Variants in DCC observed in about 807,000 individuals in gnomAD.
DCC encodes the protein netrin receptor DCC.
DCC carries 58 observed loss-of-function variants against 172.5 expected under a neutral mutation model. The ratio of observed to expected loss-of-function variants is 0.34; its 90% confidence interval spans 0.27 to 0.42. The LOEUF (loss-of-function observed/expected upper bound fraction) is 0.42. DCC is among the 10% of genes least tolerant of loss of function. The pLI is 1.00. For synonymous variants in DCC, 709 were observed against 644.5 expected (o/e 1.10, Z -1.52); for missense variants, 1,740 against 1,791.0 (o/e 0.97, Z 0.51).
intron 1 of DCC, among the ~76,000 whole-genome samples, chr18:52,423,940 C>T (rs184277570): frequency 1.1e-4 from 17 of 152,194 alleles, no homozygotes; most frequent in Admixed American, 5.9e-4. Context: ...AAGACCCTTT[C>T]GCTTCCGTTC....
At chr18:52,532,215 T>C (rs559688472) in intron 1 of DCC, among the ~76,000 whole-genome samples, 1 of 152,298 alleles carries the variant, frequency 6.6e-6, no homozygotes, top group African/African-American at 2.4e-5. Flanking sequence ...ATAGTTATGT[T>C]GGCACTTAGA....
chr18:53,523,715 A>T (rs191613280), intron 27 of DCC, among the ~76,000 whole-genome samples: 1 of 152,196 alleles, frequency 6.6e-6, no homozygotes, highest in East Asian at 1.9e-4. Flanking sequence ...CAATGAGAAC[A>T]CATGGACACA....
intron 26 of DCC, among the ~76,000 whole-genome samples, chr18:53,497,880 C>A: frequency 6.6e-6 from 1 of 152,190 alleles, no homozygotes; most frequent in East Asian, 1.9e-4. Context: ...TCTCTTCAAA[C>A]TCCTTGGGAT....
chr18:52,953,294 A>G (rs1406201338), intron 5 of DCC, among the ~76,000 whole-genome samples: 9 of 152,184 alleles, frequency 5.9e-5, no homozygotes, highest in Admixed American at 5.9e-4. Flanking sequence ...GTGTCCATAC[A>G]TCCTCACCCC....
intron 7 of DCC, among the ~76,000 whole-genome samples, chr18:53,099,935 C>CTTTTTTTTTT: frequency 8.5e-6 from 1 of 117,110 alleles, no homozygotes; most frequent in African/African-American, 3.8e-5. Flanking sequence ...CTTTTCTTTT[C>CTTTTTTTTTT]TTTCTTTCTT....
intron 1 of DCC, among the ~76,000 whole-genome samples, chr18:52,489,867 C>T (rs957199938): frequency 1.3e-5 from 2 of 152,086 alleles, no homozygotes; most frequent in Non-Finnish European, 2.9e-5. Context: ...CTCATCTGAG[C>T]CCATTATCTT....
intron 2 of DCC, among the ~76,000 whole-genome samples, chr18:52,853,207 C>T (rs770460483): frequency 6.6e-6 from 1 of 152,052 alleles, no homozygotes; most frequent in African/African-American, 2.4e-5. Context: ...CTTTCACAGG[C>T]CACAAAGCAG....
At chr18:53,200,126 G>A (rs2055513522) in intron 9 of DCC, among the ~76,000 whole-genome samples, 1 of 152,102 alleles carries the variant, frequency 6.6e-6, no homozygotes, top group South Asian at 2.1e-4. Context: ...ATTGGGATTG[G>A]CAGTACCAGT....
chr18:52,420,972 C>T (rs759166665), intron 1 of DCC, among the ~76,000 whole-genome samples: 2 of 152,076 alleles, frequency 1.3e-5, no homozygotes, highest in Non-Finnish European at 2.9e-5. Flanking sequence ...TACAGGATTG[C>T]AAGCCCAGAA....
intron 28 of DCC, among the ~76,000 whole-genome samples, chr18:53,528,007 A>C (rs2046478618): frequency 6.6e-6 from 1 of 152,276 alleles, no homozygotes; most frequent in South Asian, 2.1e-4. Context: ...GCATAAATGA[A>C]GTCTTCTGCA....
chr18:52,619,177 A>G (rs2034437147), intron 1 of DCC, among the ~76,000 whole-genome samples: 1 of 152,162 alleles, frequency 6.6e-6, no homozygotes. Flanking sequence ...ACCTCAAGTG[A>G]TCCACCTGCC....
In DCC at chr18:53,205,240, A is replaced by G. The variant is rs2055606409; in HGVS notation, c.1598A>G (p.Asn533Ser). 2.5e-6 allele frequency: 4 copies of G among 1,613,314 alleles called. No homozygotes were observed. The highest frequency in any genetic ancestry group is 3.4e-6 in the Non-Finnish European group (4 of 1,179,482). ...PELQVPGPVE[N>S]LQAVSTSPTS... ...GTGCAAGTTCCAGGGCCAGTAGAAA[A>G]CCTGCAAGCTGTATCTACCTCACCT... The change falls in exon 10 of 29, where the codon AAC (asparagine) becomes AGC (serine). Residue 533 changes from asparagine (N) to serine (S), a missense_variant. This residue lies in a region of DCC where 1,732 missense variants were observed against 1,767.4 expected (regional missense o/e 0.98). Transcript: ENST00000442544.
At chr18:52,653,488 C>T (rs572120756) in intron 1 of DCC, among the ~76,000 whole-genome samples, 2 of 152,176 alleles carry the variant, frequency 1.3e-5, no homozygotes, top group African/African-American at 4.8e-5. Context: ...TAAATCAATG[C>T]TTTAAATATA....
intron 7 of DCC, among the ~76,000 whole-genome samples, chr18:53,080,529 A>G (rs2042785230): frequency 1.3e-5 from 2 of 152,094 alleles, no homozygotes; most frequent in African/African-American, 2.4e-5. Context: ...TATCCCAAAG[A>G]CTCCAAAACA....
intron 2 of DCC, among the ~76,000 whole-genome samples, chr18:52,839,060 T>G (rs1460038929): frequency 6.6e-6 from 1 of 152,030 alleles, no homozygotes; most frequent in African/African-American, 2.4e-5. Flanking sequence ...AAAAATAACT[T>G]TAGAGTTTAG....
chr18:52,876,913 A>G (rs928163820), intron 2 of DCC, among the ~76,000 whole-genome samples: 5 of 152,366 alleles, frequency 3.3e-5, no homozygotes, highest in African/African-American at 9.6e-5. Flanking sequence ...TTTCCCTAGA[A>G]TAGTGTTGCT....
At chr18:53,102,794 T>C (rs1340582527) in intron 7 of DCC, among the ~76,000 whole-genome samples, 1 of 152,058 alleles carries the variant, frequency 6.6e-6, no homozygotes, top group Non-Finnish European at 1.5e-5. Context: ...TTCTTCAGAA[T>C]GGGTTATTAC....
Position 53,069,629 on chromosome 18 carries a change from A to C in DCC, c.1261+3463A>C, listed in dbSNP as rs551414006. ...AACTGCTCCACAAAAACAAAAAAAA[A>C]AAAAAAGAAGCTTGCAGAAACCTTC... On this transcript the variant is annotated intron_variant, in intron 7 of 28. Transcript: ENST00000442544. Among the ~76,000 whole-genome samples, 355 of 152,166 alleles carry C rather than the reference A, an allele frequency of 2.3e-3. 1 individual carries two copies. Among genetic ancestry groups the C allele is most frequent in the African/African-American group, 2.3e-3 (97 of 41,534 alleles).
chr18:53,355,765 T>A (rs1026399037), intron 15 of DCC, among the ~76,000 whole-genome samples: 1 of 152,166 alleles, frequency 6.6e-6, no homozygotes, highest in African/African-American at 2.4e-5. Flanking sequence ...CCTTTATTTC[T>A]TTCTCCTGCC....
Sources: gnomAD v4.1 joint callset for allele counts (sites outside exome capture counted in the v4.1 genomes callset) on GRCh38, gnomAD v4.1.1 for gene constraint, gnomAD v4.1.1 regional missense constraint, MANE v1.5 for transcripts, NCBI Gene and HGNC (gene_info 2026-07-23, HGNC 2026-07-21) for gene names.